RNF7: variants seen among roughly 807,000 people sequenced by gnomAD.
RNF7 encodes ring finger protein 7, also known as RING-box protein 2.
A neutral mutation model predicts 17.0 loss-of-function variants in RNF7; 9 were observed. The ratio of observed to expected loss-of-function variants is 0.53; its 90% CI spans 0.32 to 0.92. The LOEUF (loss-of-function observed/expected upper bound fraction) is 0.92, where lower values mean the gene tolerates loss of function less well. Ranked by LOEUF, RNF7 falls within the 40% of genes least tolerant of loss-of-function variation. The pLI is 0.04. For missense variants in RNF7, 87 were observed against 145.8 expected, an observed-to-expected ratio of 0.60 and a Z score of 2.08; for synonymous variants, 59 against 50.5, an observed-to-expected ratio of 1.17 and a Z score of -0.72.
chr3:141,744,895 A>T (rs2084456323), intron 2 of RNF7, among the ~76,000 whole-genome samples: 1 of 152,226 alleles, frequency 6.6e-6, no homozygotes, highest in Non-Finnish European at 1.5e-5. Context: ...AGAAGACAGC[A>T]TGTGGAGCTG....
At position 141,745,835 on chromosome 3, in the gene RNF7, A is replaced by T. The variant is rs1436126137; in HGVS notation, c.*558A>T. 6.6e-6 allele frequency: 1 copy of T among 152,216 alleles called. No individual in the cohort carries two copies. Among genetic ancestry groups the T allele is most frequent in the Non-Finnish European group, 1.5e-5 (1 of 68,054 alleles). The allele number at this position is 152,216 out of a possible 1,614,324, so 9.4% of individuals were successfully genotyped here. ...TAAATAAAATTTAACTTTTGAGCAT[A>T]TGGAATTTTGATTGCCTTTAAAGTT... On this transcript the variant is annotated 3_prime_UTR_variant, in exon 3 of 3. Coordinates refer to ENST00000273480, the MANE Select transcript of RNF7 (RefSeq NM_014245.5).
chr3:141,742,771 GC>G (rs2084433637), intron 1 of RNF7: 1 of 1,276,652 alleles, frequency 7.8e-7, no homozygotes, highest in East Asian at 5.7e-5. Flanking sequence ...CTTCTCACCA[GC>G]CTTGTCTGGA....
At chr3:141,738,728 G>A (rs2084384707) in intron 1 of RNF7, among the ~76,000 whole-genome samples, 1 of 152,260 alleles carries the variant, frequency 6.6e-6, no homozygotes, top group Non-Finnish European at 1.5e-5. Context: ...CTGCGGGGTT[G>A]TGCAACAGGC....
chr3:141,743,879 C>T (rs2084445687), intron 2 of RNF7, among the ~76,000 whole-genome samples: 1 of 152,048 alleles, frequency 6.6e-6, no homozygotes, highest in Non-Finnish European at 1.5e-5. Context: ...TGAATTTTGG[C>T]TATGTTATAG....
At chr3:141,739,971 C>T (rs1262467254) in intron 1 of RNF7, among the ~76,000 whole-genome samples, 1 of 152,136 alleles carries the variant, frequency 6.6e-6, no homozygotes, top group Admixed American at 6.5e-5. Context: ...CTACAGTGAG[C>T]CTTGTTCCTG....
At position 141,738,494 on chromosome 3, in the gene RNF7, C is replaced by T. The variant is rs548855326; in HGVS notation, c.153C>T (p.Ala51=). 3 of 1,613,556 alleles carry T rather than the reference C, an allele frequency of 1.9e-6. No homozygotes were observed. Among genetic ancestry groups the T allele is most frequent in the East Asian group, 2.2e-5 (1 of 44,848 alleles). The change falls in exon 1 of 3, where the codon GCC becomes GCT. Residue 51 remains alanine (A), a synonymous_variant. Coordinates refer to ENST00000273480, the MANE Select transcript of RNF7 (RefSeq NM_014245.5). ...WSWDVECDTC[A]ICRVQVMDAC... ...GGGACGTGGAGTGCGATACGTGCGC[C>T]ATCTGCAGGGTCCAGGTGATGGGTA...
rs79040121 is a variant in RNF7 at position 141,747,452 on chromosome 3, C to G, written c.*2175C>G. On this transcript the variant is annotated 3_prime_UTR_variant, in exon 3 of 3. Transcript: ENST00000273480. ...TTGTGTTATTACAGCTGACCGCTAT[C>G]AGTAAATCTTAATTCTGTCAGTCCC... 1 of 152,194 alleles carries G rather than the reference C, an allele frequency of 6.6e-6. No individual in the cohort carries two copies. Among genetic ancestry groups the G allele is most frequent in the Non-Finnish European group, 1.5e-5 (1 of 68,034 alleles). 9.4% of individuals were successfully genotyped at this position (152,194 alleles called of 1,614,324 possible).
chr3:141,741,782 G>A (rs1312099358), intron 1 of RNF7, among the ~76,000 whole-genome samples: 4 of 150,780 alleles, frequency 2.7e-5, no homozygotes, highest in Non-Finnish European at 5.9e-5. Flanking sequence ...GTTACTATAA[G>A]CTCACTGGGC....
intron 1 of RNF7, among the ~76,000 whole-genome samples, chr3:141,743,264 A>T (rs148628802): frequency 1.6e-4 from 24 of 152,272 alleles, no homozygotes; most frequent in African/African-American, 5.5e-4. Flanking sequence ...CACCGTCAGG[A>T]CATCTTTTCA....
chr3:141,745,652 C>G lies in RNF7; in HGVS notation c.*375C>G, dbSNP rs554865977. 120 of 153,732 alleles carry G rather than the reference C, an allele frequency of 7.8e-4. No individual in the cohort carries two copies. The highest frequency in any genetic ancestry group is 2.5e-3 in the Admixed American group (38 of 15,352). 9.5% of individuals were successfully genotyped at this position (153,732 alleles called of 1,614,324 possible). On this transcript the variant is annotated 3_prime_UTR_variant, in exon 3 of 3. Transcript: ENST00000273480. Reference sequence around the variant, plus strand: ...AACTTTTTGCATGCTTATGGTTGATCAGTTAAAAAAGAATGTTACAGTAAC... The same window carrying G: ...AACTTTTTGCATGCTTATGGTTGATGAGTTAAAAAAGAATGTTACAGTAAC...
At chr3:141,742,312 T>C (rs953997540) in intron 1 of RNF7, among the ~76,000 whole-genome samples, 6 of 149,948 alleles carry the variant, frequency 4.0e-5, no homozygotes, top group African/African-American at 1.2e-4. Flanking sequence ...CTGCAAGCTC[T>C]GCCTCCTGGG....
intron 1 of RNF7, among the ~76,000 whole-genome samples, chr3:141,739,694 TA>T (rs1242358447): frequency 3.3e-5 from 5 of 152,230 alleles, no homozygotes; most frequent in African/African-American, 9.7e-5. Context: ...TTTTGTCTTT[TA>T]TTCCTAAGGG....
At chr3:141,744,670 A>G (rs2084454501) in intron 2 of RNF7, among the ~76,000 whole-genome samples, 1 of 152,236 alleles carries the variant, frequency 6.6e-6, no homozygotes, top group African/African-American at 2.4e-5. Context: ...CACTTCTAGA[A>G]AACAGCTCAG....
At chr3:141,743,382 T>A (rs2084440879) in intron 1 of RNF7, 127 bp from the exon 2 acceptor site, 1 of 629,144 alleles carries the variant, frequency 1.6e-6, no homozygotes, top group Non-Finnish European at 2.8e-6. Flanking sequence ...TATGTTCAGA[T>A]GAGAAATTAA....
intron 1 of RNF7, among the ~76,000 whole-genome samples, chr3:141,739,532 G>A (rs2084393071): frequency 6.6e-6 from 1 of 152,136 alleles, no homozygotes; most frequent in African/African-American, 2.4e-5. Flanking sequence ...TCTTTATTGA[G>A]GGTAGTTAAA....
Position 141,738,333 on chromosome 3 carries a change from G to A in RNF7, c.-9G>A. 1 of 1,528,162 alleles carries A rather than the reference G, an allele frequency of 6.5e-7. No individual in the cohort carries two copies. Among genetic ancestry groups the A allele is most frequent in the Non-Finnish European group, 8.8e-7 (1 of 1,132,390 alleles). 94.7% of individuals were successfully genotyped at this position (1,528,162 alleles called of 1,614,324 possible). A position where few individuals can be genotyped will look rare whatever the true frequency, so the allele number is the denominator to read the frequency against. On this transcript the variant is annotated 5_prime_UTR_variant, in exon 1 of 3. Transcript: ENST00000273480. ...CCAACGTCTCCGCCGTCGGCTCCGC[G>A]GCGCCGCCATGGCCGACGTGGAAGA...
At chr3:141,739,714 A>T (rs2084395099) in intron 1 of RNF7, among the ~76,000 whole-genome samples, 1 of 152,194 alleles carries the variant, frequency 6.6e-6, no homozygotes, top group African/African-American at 2.4e-5. Context: ...GGCTTGTTTC[A>T]AAGAGGATTT....
At chr3:141,742,378 C>G (rs1244081845) in intron 1 of RNF7, among the ~76,000 whole-genome samples, 2 of 152,002 alleles carry the variant, frequency 1.3e-5, no homozygotes, top group Admixed American at 1.3e-4. Context: ...AGGCGCCCAC[C>G]ACCACGCCCG....
chr3:141,743,906 A>G (rs16851717), intron 2 of RNF7, among the ~76,000 whole-genome samples: 9,888 of 152,312 alleles, frequency 0.065, 326 homozygotes, highest in South Asian at 0.11. Flanking sequence ...TTTGGTTCTA[A>G]TAAGGCATTT....
Sources: allele counts gnomAD v4.1 joint callset (sites outside exome capture counted in the v4.1 genomes callset), GRCh38; gene constraint gnomAD v4.1.1; transcripts MANE v1.5; gene names NCBI Gene and HGNC (gene_info 2026-07-23, HGNC 2026-07-21).